Variants in MAN1C1 observed in about 807,000 individuals in gnomAD.
MAN1C1 encodes the protein mannosidase alpha class 1C member 1.
MAN1C1 carries 49 observed loss-of-function variants against 71.5 expected under a neutral mutation model. The observed-to-expected ratio is 0.69, with a 90% CI of 0.54 to 0.87. MAN1C1 has a LOEUF of 0.87. MAN1C1 is among the 40% of genes least tolerant of loss of function. The pLI, the probability that MAN1C1 is intolerant of heterozygous loss-of-function variation, is 0.00. For synonymous variants in MAN1C1, 352 were observed against 343.7 expected (o/e 1.02, Z -0.27); for missense variants, 743 against 835.0 (o/e 0.89, Z 1.36).
At chr1:25,630,921 T>C (rs1269209147) in intron 1 of MAN1C1, among the ~76,000 whole-genome samples, 1 of 152,168 alleles carries the variant, frequency 6.6e-6, no homozygotes, top group Admixed American at 6.6e-5. Flanking sequence ...GCCAGATTGC[T>C]CTGGCTAGGA....
chr1:25,639,409 C>G (rs1448886911), intron 1 of MAN1C1, among the ~76,000 whole-genome samples: 2 of 152,172 alleles, frequency 1.3e-5, no homozygotes, highest in Admixed American at 6.5e-5. Flanking sequence ...TGTTTAGACA[C>G]TTTTTATTCT....
In MAN1C1 at chr1:25,769,268, T is replaced by G. The variant is rs1572209164; in HGVS notation, c.1142-2389T>G. Among the ~76,000 whole-genome samples, 1 of 145,776 alleles carries G rather than the reference T, an allele frequency of 6.9e-6. No homozygotes were observed. Among genetic ancestry groups the G allele is most frequent in the Non-Finnish European group, 1.5e-5 (1 of 66,220 alleles). ...CACACTCCTTGACACACACACACTC[T>G]CCCTACACACACATCCACACACCCA... On this transcript the variant is annotated intron_variant, in intron 7 of 11. Transcript: ENST00000374332. The surrounding 1 kb of genome is among the most constrained non-coding windows in gnomAD (Gnocchi z 4.8).
chr1:25,696,350 C>T (rs931733438), intron 2 of MAN1C1, among the ~76,000 whole-genome samples: 6 of 151,280 alleles, frequency 4.0e-5, no homozygotes, highest in South Asian at 2.1e-4. Context: ...CTGAGAGGGC[C>T]GGGACTACCT....
chr1:25,638,515 G>T (rs1225258572), intron 1 of MAN1C1, among the ~76,000 whole-genome samples: 2 of 151,966 alleles, frequency 1.3e-5, no homozygotes, highest in Non-Finnish European at 2.9e-5. Context: ...TATCCATCTG[G>T]TATTGTTTCC....
At position 25,782,954 on chromosome 1, in the gene MAN1C1, C is replaced by T. The variant is rs962361991; in HGVS notation, c.1766+254C>T. On this transcript the variant is annotated intron_variant, in intron 11 of 11. Coordinates refer to ENST00000374332, the MANE Select transcript of MAN1C1 (RefSeq NM_020379.4). This position sits in a 1 kb window ranked among gnomAD's most constrained non-coding sequence, Gnocchi z 4.4. ...GATACCGCAGGTTCCTTCAGTTTCTCGCTTATCTCCCCAGGTTGCTTCCGT... is the reference window on the plus strand; with the variant it reads ...GATACCGCAGGTTCCTTCAGTTTCTTGCTTATCTCCCCAGGTTGCTTCCGT... Among the ~76,000 whole-genome samples the T allele has an allele frequency of 2.0e-5, 3 of 152,190 alleles. No homozygotes were observed. The highest frequency in any genetic ancestry group is 4.8e-5 in the African/African-American group (2 of 41,444).
intron 2 of MAN1C1, among the ~76,000 whole-genome samples, chr1:25,696,444 T>C (rs1446269286): frequency 6.6e-6 from 1 of 152,108 alleles, no homozygotes; most frequent in Non-Finnish European, 1.5e-5. Flanking sequence ...TTTTAAAAAT[T>C]GGGGTATAAC....
chr1:25,666,273 CTCTG>C (rs1159059938), intron 1 of MAN1C1, among the ~76,000 whole-genome samples: 1 of 152,124 alleles, frequency 6.6e-6, no homozygotes, highest in Non-Finnish European at 1.5e-5. Flanking sequence ...CATTTCGGTT[CTCTG>C]TCTTTTTGCG....
In MAN1C1 at chr1:25,710,705, T is replaced by C. The variant is rs768689487; in HGVS notation, c.637+24169T>C. ...GGTAGCAGGATAGGAAATAGCGAGA[T>C]AGACTTTCCCTTGTCGTGGCTGCTC... On this transcript the variant is annotated intron_variant, in intron 2 of 11. Transcript: ENST00000374332. Among the ~76,000 whole-genome samples, 163 of 152,308 alleles carry C rather than the reference T, an allele frequency of 1.1e-3. No individual in the cohort carries two copies. In the Middle Eastern group the frequency reaches 0.02, roughly 19 times the overall value.
At chr1:25,719,051 CTTATTATTA>C (rs34993782) in intron 2 of MAN1C1, among the ~76,000 whole-genome samples, 122 of 143,884 alleles carry the variant, frequency 8.5e-4, no homozygotes, top group South Asian at 4.9e-3. Context: ...CTTTCCAATG[CTTATTATTA>C]TTATTATTAT....
chr1:25,700,173 C>A (rs2046420689), intron 2 of MAN1C1, among the ~76,000 whole-genome samples: 1 of 152,156 alleles, frequency 6.6e-6, no homozygotes, highest in Admixed American at 6.5e-5. Flanking sequence ...AGCACAATTG[C>A]ATTTTCTCCC....
intron 1 of MAN1C1, among the ~76,000 whole-genome samples, chr1:25,664,126 TG>T (rs1449541684): frequency 6.6e-6 from 1 of 152,198 alleles, no homozygotes; most frequent in African/African-American, 2.4e-5. Context: ...GGGCCCAGTA[TG>T]GCAGCCCATC....
rs755751891 is a variant in MAN1C1 at position 25,782,735 on chromosome 1, G to A, written c.1766+35G>A. 74 of 1,514,908 alleles carry A rather than the reference G, an allele frequency of 4.9e-5. No homozygotes were observed. The highest frequency in any genetic ancestry group is 6.5e-5 in the Non-Finnish European group (71 of 1,090,526). The allele number at this position is 1,514,908 out of a possible 1,614,324, so 93.8% of individuals were successfully genotyped here. A position where few individuals can be genotyped will look rare whatever the true frequency, so the allele number is the denominator to read the frequency against. On this transcript the variant is annotated intron_variant, in intron 11 of 11. Transcript: ENST00000374332. This position sits in a 1 kb window ranked among gnomAD's most constrained non-coding sequence, Gnocchi z 4.4. ...GTGGGCTCTTCCTAGGGATGGACAG[G>A]TGGGAGGTTGAGGGTAGGGGTCCGC... is the stretch of plus-strand genomic sequence containing the variant.
At chr1:25,701,849 CA>C (rs2046448346) in intron 2 of MAN1C1, among the ~76,000 whole-genome samples, 1 of 152,204 alleles carries the variant, frequency 6.6e-6, no homozygotes, top group African/African-American at 2.4e-5. Flanking sequence ...CACTTGAGGT[CA>C]GGAGTTCAAG....
At chr1:25,692,714 G>T (rs376447832) in intron 2 of MAN1C1, among the ~76,000 whole-genome samples, 1 of 152,250 alleles carries the variant, frequency 6.6e-6, no homozygotes, top group East Asian at 1.9e-4. Context: ...TACAGTGGCC[G>T]CCAAGAACAC....
chr1:25,733,992 G>A (rs916826655), intron 2 of MAN1C1, among the ~76,000 whole-genome samples: 1 of 151,806 alleles, frequency 6.6e-6, no homozygotes, highest in Admixed American at 6.6e-5. Context: ...GTAGAGATGG[G>A]GTTTCACCGT....
At chr1:25,762,845 T>C (rs973759281) in intron 6 of MAN1C1, among the ~76,000 whole-genome samples, 1 of 152,258 alleles carries the variant, frequency 6.6e-6, no homozygotes, top group Admixed American at 6.5e-5. Context: ...TTCAACATAC[T>C]GATGTCATTT....
chr1:25,684,812 G>A (rs895289947), intron 1 of MAN1C1, among the ~76,000 whole-genome samples: 43 of 152,254 alleles, frequency 2.8e-4, no homozygotes, highest in Admixed American at 2.0e-4. Context: ...GCCAGCGGAC[G>A]CAGGACTGTC....
rs566187063 is a variant in MAN1C1, at chr1:25,728,848, A to G, written c.638-17820A>G. On this transcript the variant is annotated intron_variant, in intron 2 of 11. Transcript: ENST00000374332. ...ACTGGTGCAGAATCGTTGCTGGCAC[A>G]GTAGAGGATATTACCCTCAAATAAA... is the stretch of plus-strand genomic sequence containing the variant. Among the ~76,000 whole-genome samples the G allele has an allele frequency of 5.9e-5, 9 of 152,318 alleles. No homozygotes were observed. The South Asian group carries it at 1.7e-3, about 28-fold the overall frequency.
At chr1:25,630,748 A>G (rs920633787) in intron 1 of MAN1C1, among the ~76,000 whole-genome samples, 1 of 152,166 alleles carries the variant, frequency 6.6e-6, no homozygotes, top group Non-Finnish European at 1.5e-5. Context: ...TGATTTGTAT[A>G]TACTGATTTT....
Sources: allele counts gnomAD v4.1 joint callset (sites outside exome capture counted in the v4.1 genomes callset), GRCh38; gene constraint gnomAD v4.1.1; non-coding constraint Gnocchi (gnomAD v3.1); transcripts MANE v1.5; gene names NCBI Gene and HGNC (gene_info 2026-07-23, HGNC 2026-07-21).